The following ADGRB3 variants were observed in gnomAD, a reference collection of about 807,000 sequenced individuals.
ADGRB3 encodes brain-specific angiogenesis inhibitor 3.
A neutral mutation model predicts 193.4 loss-of-function variants in ADGRB3; 37 were observed. That is an observed-to-expected ratio of 0.19 (90% CI 0.15 to 0.25). The LOEUF (loss-of-function observed/expected upper bound fraction) is 0.25. Among genes scored for constraint, ADGRB3 ranks in the 10% least tolerant of loss-of-function variants. ADGRB3 has a pLI of 1.00. For missense variants in ADGRB3, 1,637 were observed against 1,852.9 expected, an observed-to-expected ratio of 0.88 and a Z score of 2.14; for synonymous variants, 690 against 644.2, an observed-to-expected ratio of 1.07 and a Z score of -1.08.
Position 68,747,853 on chromosome 6 carries a change from G to A in ADGRB3, c.757+108421G>A, listed in dbSNP as rs116126228. Among the ~76,000 whole-genome samples, 333 of 152,188 alleles carry A rather than the reference G, an allele frequency of 2.2e-3. 2 individuals carry two copies. Among genetic ancestry groups the A allele is most frequent in the African/African-American group, 7.4e-3 (308 of 41,548 alleles). On this transcript the variant is annotated intron_variant, in intron 3 of 31. Coordinates refer to ENST00000370598, the MANE Select transcript of ADGRB3 (RefSeq NM_001704.3). The stretch of plus-strand genomic sequence containing the variant: ...TCATGCTGCTGATAGAGACATACCC[G>A]TGACTTGGAAGAAAAAGAGGTTTAA...
chr6:69,106,558 A>G (rs1400664578), intron 17 of ADGRB3, among the ~76,000 whole-genome samples: 1 of 152,230 alleles, frequency 6.6e-6, no homozygotes, highest in Admixed American at 6.5e-5. Context: ...CTCCTCAACC[A>G]ACTTATTTCA....
chr6:69,048,975 A>G (rs1771315935), intron 14 of ADGRB3, among the ~76,000 whole-genome samples: 1 of 130,562 alleles, frequency 7.7e-6, no homozygotes, highest in African/African-American at 2.5e-5. Context: ...GTAAAAATCC[A>G]AAAGAGAATT....
At chr6:69,277,468 A>G (rs1767329210) in intron 20 of ADGRB3, among the ~76,000 whole-genome samples, 1 of 152,166 alleles carries the variant, frequency 6.6e-6, no homozygotes, top group Non-Finnish European at 1.5e-5. Flanking sequence ...ACAGGACACC[A>G]GATTGCATAA....
intron 14 of ADGRB3, among the ~76,000 whole-genome samples, chr6:69,048,555 C>T (rs1219641023): frequency 6.6e-6 from 1 of 151,898 alleles, no homozygotes; most frequent in African/African-American, 2.4e-5. Flanking sequence ...TATACAAGTG[C>T]AAATTATCGA....
intron 3 of ADGRB3, among the ~76,000 whole-genome samples, chr6:68,678,592 CA>C (rs1441959811): frequency 1.3e-5 from 2 of 152,004 alleles, no homozygotes; most frequent in Non-Finnish European, 2.9e-5. Flanking sequence ...TGGGTGTAAT[CA>C]AAGGAAGGTT....
Position 69,351,005 on chromosome 6 carries a change from C to T in ADGRB3, c.3460-3228C>T, listed in dbSNP as rs6940678. Among the ~76,000 whole-genome samples, 726 of 151,930 alleles carry T rather than the reference C, an allele frequency of 4.8e-3. 8 individuals are homozygous for T. Among genetic ancestry groups the T allele is most frequent in the African/African-American group, 0.017 (693 of 41,422 alleles). On this transcript the variant is annotated intron_variant, in intron 26 of 31. Transcript: ENST00000370598. The stretch of plus-strand genomic sequence containing the variant: ...TCTATTCTGTGATAAGAAATGTGCA[C>T]TATGAAATCTAATCTAATCATTCTT...
chr6:69,179,191 T>A (rs990312212), intron 17 of ADGRB3, among the ~76,000 whole-genome samples: 1 of 152,240 alleles, frequency 6.6e-6, no homozygotes, highest in Non-Finnish European at 1.5e-5. Context: ...TTTAAAAAAA[T>A]TATTTTCTCT....
intron 3 of ADGRB3, among the ~76,000 whole-genome samples, chr6:68,882,996 C>T (rs1011802475): frequency 6.6e-6 from 1 of 152,046 alleles, no homozygotes; most frequent in African/African-American, 2.4e-5. Context: ...TGGGTTCACG[C>T]CATTCTCCTG....
chr6:69,369,097 T>G (rs1769651414), intron 29 of ADGRB3, among the ~76,000 whole-genome samples: 1 of 152,290 alleles, frequency 6.6e-6, no homozygotes, highest in South Asian at 2.1e-4. Context: ...CATGTAGCAT[T>G]TTTAAAAGTT....
At chr6:69,141,914 A>G (rs559279852) in intron 17 of ADGRB3, among the ~76,000 whole-genome samples, 4 of 152,362 alleles carry the variant, frequency 2.6e-5, no homozygotes, top group African/African-American at 9.6e-5. Context: ...TTGGGACTAG[A>G]AGCTAAATCT....
At chr6:68,910,687 G>C (rs1445079813) in intron 3 of ADGRB3, among the ~76,000 whole-genome samples, 1 of 152,074 alleles carries the variant, frequency 6.6e-6, no homozygotes, top group Non-Finnish European at 1.5e-5. Context: ...TCTTGTTTTT[G>C]TCATGTTTGT....
chr6:68,765,141 C>T (rs1322523569), intron 3 of ADGRB3, among the ~76,000 whole-genome samples: 1 of 152,044 alleles, frequency 6.6e-6, no homozygotes, highest in Non-Finnish European at 1.5e-5. Flanking sequence ...TTTGAGTGTG[C>T]TTTATGACTT....
intron 20 of ADGRB3, among the ~76,000 whole-genome samples, chr6:69,296,686 T>A (rs1000740404): frequency 6.6e-6 from 1 of 152,170 alleles, no homozygotes; most frequent in South Asian, 2.1e-4. Context: ...CTTACCAAGC[T>A]TTTATTTCAA....
intron 8 of ADGRB3, among the ~76,000 whole-genome samples, chr6:68,969,653 G>T (rs929584970): frequency 2.0e-5 from 3 of 152,122 alleles, no homozygotes; most frequent in Non-Finnish European, 4.4e-5. Flanking sequence ...TTACTACCCA[G>T]CTCCTCAACT....
chr6:68,733,829 C>T (rs73463934), intron 3 of ADGRB3, among the ~76,000 whole-genome samples: 4,897 of 151,768 alleles, frequency 0.032, 143 homozygotes, highest in African/African-American at 0.072. Flanking sequence ...ATGTAATGTA[C>T]GTGTAAGAAT....
At chr6:68,926,689 C>T (rs1024552808) in intron 3 of ADGRB3, among the ~76,000 whole-genome samples, 31 of 152,120 alleles carry the variant, frequency 2.0e-4, no homozygotes, top group African/African-American at 5.8e-4. Flanking sequence ...CCTCATCTAT[C>T]GATGTGCTTG....
chr6:69,308,789 A>G (rs965616012), intron 20 of ADGRB3, among the ~76,000 whole-genome samples: 2 of 151,694 alleles, frequency 1.3e-5, no homozygotes, highest in South Asian at 2.1e-4. Context: ...TCAAGATTCA[A>G]GATGGCTGCT....
At chr6:69,031,571 C>CTTTCTTTCTTTCTTTCTCT (rs1337493560) in intron 13 of ADGRB3, among the ~76,000 whole-genome samples, 5 of 106,846 alleles carry the variant, frequency 4.7e-5, no homozygotes, top group African/African-American at 7.0e-5. Context: ...TTCTTTTCTT[C>CTTTCTTTCTTTCTTTCTCT]CTCTGTCTCT....
chr6:68,757,122 C>A (rs182012050), intron 3 of ADGRB3, among the ~76,000 whole-genome samples: 1 of 152,180 alleles, frequency 6.6e-6, no homozygotes, highest in East Asian at 1.9e-4. Context: ...TTCCTTTATT[C>A]ATCCCTCCTG....
Sources: allele counts gnomAD v4.1 joint callset (sites outside exome capture counted in the v4.1 genomes callset), GRCh38; gene constraint gnomAD v4.1.1; transcripts MANE v1.5; gene names NCBI Gene and HGNC (gene_info 2026-07-23, HGNC 2026-07-21).